TRAPPC12: variants seen among roughly 807,000 people sequenced by gnomAD.
TRAPPC12 encodes trafficking protein particle complex subunit 12.
A neutral mutation model predicts 69.2 loss-of-function variants in TRAPPC12; 61 were observed. The observed-to-expected ratio is 0.88, with a 90% CI of 0.72 to 1.09. TRAPPC12 has a LOEUF of 1.09. TRAPPC12 is among the 50% of genes least tolerant of loss of function. The pLI is 0.00. For synonymous variants in TRAPPC12, 469 were observed against 438.9 expected (o/e 1.07, Z -0.86); for missense variants, 1,101 against 1,016.4 (o/e 1.08, Z -1.13).
intron 2 of TRAPPC12, among the ~76,000 whole-genome samples, chr2:3,393,703 AAG>A (rs113105194): frequency 0.29 from 42,773 of 148,814 alleles, 6,234 homozygotes; most frequent in Middle Eastern, 0.39. Context: ...AAAAAAAAAA[AAG>A]AACTGGAAAT....
intron 9 of TRAPPC12, among the ~76,000 whole-genome samples, chr2:3,473,298 A>G (rs955388993): frequency 6.6e-6 from 1 of 152,222 alleles, no homozygotes; most frequent in Admixed American, 6.5e-5. Flanking sequence ...AAGAGAAGCT[A>G]GGGTACTCTG....
intron 3 of TRAPPC12, among the ~76,000 whole-genome samples, chr2:3,403,388 A>G (rs1465195366): frequency 6.6e-6 from 1 of 151,944 alleles, no homozygotes. Context: ...GTGCACCACC[A>G]CACCCGGCTA....
chr2:3,392,354 C>G (rs909058204), intron 2 of TRAPPC12, among the ~76,000 whole-genome samples: 2 of 152,102 alleles, frequency 1.3e-5, no homozygotes, highest in African/African-American at 4.8e-5. Flanking sequence ...GGACAGACGG[C>G]CTAGACAAGG....
rs1463946757 is a variant in TRAPPC12, at chr2:3,388,026, G to A, written c.403G>A (p.Ala135Thr). The A allele has an allele frequency of 1.0e-5, 15 of 1,474,114 alleles. No homozygotes were observed. The South Asian group carries it at 1.6e-4, about 15-fold the overall frequency. The allele number at this position is 1,474,114 out of a possible 1,614,324, so 91.3% of individuals were successfully genotyped here. A position where few individuals can be genotyped will look rare whatever the true frequency, so the allele number is the denominator to read the frequency against. Residue 135 changes from alanine (A) to threonine (T), a missense_variant, in exon 2 of 12, where the codon GCG becomes ACG. Physicochemically the swap from Ala to Thr is moderately conservative, Grantham distance 58. Coordinates refer to ENST00000324266, the MANE Select transcript of TRAPPC12 (RefSeq NM_016030.6). ...PSSGGAPRQD[A>T]AREVPGSEAA... ...TAGCGGAGGGGCCCCGAGGCAGGAC[G>A]CGGCCCGCGAGGTCCCAGGCAGCGA...
At chr2:3,415,714 T>A (rs1339557830) in intron 3 of TRAPPC12, among the ~76,000 whole-genome samples, 1 of 111,668 alleles carries the variant, frequency 9.0e-6, no homozygotes, top group Non-Finnish European at 1.8e-5. Flanking sequence ...TGCATTCACT[T>A]CTTTTCTTTT....
intron 5 of TRAPPC12, among the ~76,000 whole-genome samples, chr2:3,440,253 G>T (rs533719824): frequency 6.6e-6 from 1 of 152,248 alleles, no homozygotes; most frequent in Admixed American, 6.5e-5. Flanking sequence ...TTTGATTGGG[G>T]CTGCATCGAA....
chr2:3,463,784 GA>G (rs1665644130), intron 8 of TRAPPC12, among the ~76,000 whole-genome samples: 1 of 152,024 alleles, frequency 6.6e-6, no homozygotes, highest in South Asian at 2.1e-4. Flanking sequence ...CTGATAACAA[GA>G]AAGTCAAAGC....
intron 3 of TRAPPC12, among the ~76,000 whole-genome samples, chr2:3,415,297 G>A (rs1026385803): frequency 6.6e-6 from 1 of 152,186 alleles, no homozygotes; most frequent in Non-Finnish European, 1.5e-5. Context: ...GCCTTGTGTT[G>A]GCTGATTTTC....
chr2:3,396,420 A>G (rs1298831842), intron 2 of TRAPPC12, among the ~76,000 whole-genome samples: 1 of 152,068 alleles, frequency 6.6e-6, no homozygotes, highest in Non-Finnish European at 1.5e-5. Flanking sequence ...GTTCTGATGT[A>G]CTTTCACATG....
At chr2:3,409,914 A>C (rs958243264) in intron 3 of TRAPPC12, among the ~76,000 whole-genome samples, 2 of 152,090 alleles carry the variant, frequency 1.3e-5, no homozygotes, top group Non-Finnish European at 2.9e-5. Flanking sequence ...TCCCCAGCTG[A>C]GGTGTGAGGC....
intron 6 of TRAPPC12, 34 bp from the exon 7 acceptor site, chr2:3,457,587 A>G (rs962296785): frequency 1.3e-6 from 2 of 1,600,006 alleles, no homozygotes; most frequent in Non-Finnish European, 8.6e-7. Flanking sequence ...ATTGGTTCCC[A>G]TGATTTTGTC....
At chr2:3,393,286 C>T (rs953022705) in intron 2 of TRAPPC12, among the ~76,000 whole-genome samples, 4 of 144,112 alleles carry the variant, frequency 2.8e-5, no homozygotes, top group African/African-American at 1.0e-4. Flanking sequence ...ATCTCATTTA[C>T]ATGTGGAATC....
chr2:3,445,665 T>G (rs1664469052), intron 6 of TRAPPC12, among the ~76,000 whole-genome samples: 2 of 152,244 alleles, frequency 1.3e-5, no homozygotes, highest in Admixed American at 6.5e-5. Context: ...ACAGATAGGT[T>G]AGGTAACTTA....
intron 11 of TRAPPC12, 38 bp from the exon 12 acceptor site, chr2:3,479,181 G>A: frequency 3.8e-6 from 6 of 1,599,256 alleles, no homozygotes; most frequent in Non-Finnish European, 5.1e-6. Context: ...GTCTGTCCTG[G>A]TTGTGTGGGC....
In TRAPPC12 at chr2:3,393,310, C is replaced by A. The variant is rs897502268; in HGVS notation, c.1047+4640C>A. On this transcript the variant is annotated intron_variant, in intron 2 of 11. Coordinates refer to ENST00000324266, the MANE Select transcript of TRAPPC12 (RefSeq NM_016030.6). ...ACATGTGGAATCTACAGAAGTCAGACTCATAGAAGCTGGGGCCTGGGGGTG... is the reference window on the plus strand; with the variant it reads ...ACATGTGGAATCTACAGAAGTCAGAATCATAGAAGCTGGGGCCTGGGGGTG... Among the ~76,000 whole-genome samples, 26 of 148,932 alleles carry A rather than the reference C, an allele frequency of 1.7e-4. 1 individual carries two copies. The highest frequency in any genetic ancestry group is 1.4e-3 in the Admixed American group (20 of 14,794).
intron 2 of TRAPPC12, among the ~76,000 whole-genome samples, chr2:3,399,546 C>T (rs572991820): frequency 3.0e-4 from 46 of 152,270 alleles, no homozygotes; most frequent in Middle Eastern, 3.4e-3. Flanking sequence ...CTGGCCTCTG[C>T]GAGCACCAGG....
chr2:3,390,800 G>C (rs1038196171), intron 2 of TRAPPC12, among the ~76,000 whole-genome samples: 3 of 152,134 alleles, frequency 2.0e-5, no homozygotes, highest in Admixed American at 6.5e-5. Flanking sequence ...CTCTGGCGAG[G>C]TGCGTTGATC....
chr2:3,450,531 A>G (rs898839781), intron 6 of TRAPPC12, among the ~76,000 whole-genome samples: 5 of 152,150 alleles, frequency 3.3e-5, no homozygotes, highest in African/African-American at 1.2e-4. Context: ...AAGTGAGAGC[A>G]TTGCTGATCC....
Position 3,401,893 on chromosome 2 carries a change from C to T in TRAPPC12, c.1164C>T (p.Ile388=), listed in dbSNP as rs751666792. The T allele has an allele frequency of 3.2e-6, 5 of 1,567,606 alleles. No homozygotes were observed. In the South Asian group the frequency reaches 3.5e-5, roughly 11 times the overall value. ...EQSFVGLKQL[I]SCRNWRAAVD... ...CTTTTGTTGGATTGAAACAGCTAAT[C>T]GTAAGTGACAATGTGTTTGATTTCA... Residue 388 remains isoleucine (I), a splice_region_variant and synonymous_variant, in exon 3 of 12, where the codon ATC becomes ATT. Transcript: ENST00000324266.
Sources: allele counts gnomAD v4.1 joint callset (sites outside exome capture counted in the v4.1 genomes callset), GRCh38; gene constraint gnomAD v4.1.1; transcripts MANE v1.5; gene names NCBI Gene and HGNC (gene_info 2026-07-23, HGNC 2026-07-21).